PDLIM5: variants seen among roughly 807,000 people sequenced by gnomAD.
The protein encoded by PDLIM5 is PDZ and LIM domain protein 5.
A neutral mutation model predicts 64.2 loss-of-function variants in PDLIM5; 34 were observed. The ratio of observed to expected loss-of-function variants is 0.53; its 90% confidence interval spans 0.40 to 0.71. The LOEUF is 0.71. Ranked by LOEUF, PDLIM5 falls within the 30% of genes least tolerant of loss-of-function variation. PDLIM5 has a pLI of 0.00. For synonymous variants in PDLIM5, 253 were observed against 269.1 expected (o/e 0.94, Z 0.59); for missense variants, 683 against 733.6 (o/e 0.93, Z 0.80).
At chr4:94,511,813 T>C (rs542839856) in intron 2 of PDLIM5, among the ~76,000 whole-genome samples, 2 of 152,306 alleles carry the variant, frequency 1.3e-5, no homozygotes, top group South Asian at 4.1e-4. Context: ...ATCTCATTCC[T>C]TTTTATGGCT....
At chr4:94,564,455 A>G (rs1295777097) in intron 3 of PDLIM5, among the ~76,000 whole-genome samples, 1 of 152,076 alleles carries the variant, frequency 6.6e-6, no homozygotes, top group Non-Finnish European at 1.5e-5. Flanking sequence ...TTGGACTGCC[A>G]GGAATTCCGT....
intron 8 of PDLIM5, among the ~76,000 whole-genome samples, chr4:94,618,936 C>T (rs1453938324): frequency 6.6e-6 from 1 of 152,204 alleles, no homozygotes; most frequent in Admixed American, 6.5e-5. Flanking sequence ...CATCTCTTCT[C>T]ACTCTTTATG....
At position 94,504,387 on chromosome 4, in the gene PDLIM5, A is replaced by C. The variant is rs1421751943; in HGVS notation, c.97-19337A>C. ...ATTGCAACCTCCGCTCCCGGGTTCAAGCAATTCTCCTGCCTCAGCCTCCCG... is the reference window on the plus strand; with the variant it reads ...ATTGCAACCTCCGCTCCCGGGTTCACGCAATTCTCCTGCCTCAGCCTCCCG... On this transcript the variant is annotated intron_variant, in intron 2 of 12. Transcript: ENST00000317968. Among the ~76,000 whole-genome samples, 3 of 152,160 alleles carry C rather than the reference A, an allele frequency of 2.0e-5. No homozygotes were observed. In the East Asian group the frequency reaches 5.8e-4, roughly 30 times the overall value.
chr4:94,539,719 CTTAAA>C (rs1322880145), intron 3 of PDLIM5, among the ~76,000 whole-genome samples: 1 of 152,144 alleles, frequency 6.6e-6, no homozygotes, highest in African/African-American at 2.4e-5. Flanking sequence ...TGAATTAAAA[CTTAAA>C]TATAGAATTT....
At chr4:94,543,966 G>C (rs1277208171) in intron 3 of PDLIM5, among the ~76,000 whole-genome samples, 2 of 152,072 alleles carry the variant, frequency 1.3e-5, no homozygotes, top group Non-Finnish European at 2.9e-5. Flanking sequence ...CGGATCATAT[G>C]GTAGTTCTAT....
At chr4:94,562,103 T>A (rs920863720) in intron 3 of PDLIM5, among the ~76,000 whole-genome samples, 1 of 152,182 alleles carries the variant, frequency 6.6e-6, no homozygotes, top group African/African-American at 2.4e-5. Flanking sequence ...ATTTTATGAA[T>A]GGGCTTTTTC....
chr4:94,583,057 C>G (rs1735864751), intron 5 of PDLIM5: 1 of 181,406 alleles, frequency 5.5e-6, no homozygotes, highest in Non-Finnish European at 1.1e-5. Context: ...ATTTTAATGT[C>G]TGTATTTTGA....
At chr4:94,462,681 T>C in intron 2 of PDLIM5, among the ~76,000 whole-genome samples, 1 of 152,192 alleles carries the variant, frequency 6.6e-6, no homozygotes, top group East Asian at 1.9e-4. Context: ...CATAAATTCC[T>C]AGAAATGGAA....
rs558764133 is a variant in PDLIM5, at chr4:94,646,224, T to A, written c.1283+5774T>A. Among the ~76,000 whole-genome samples the A allele has an allele frequency of 2.0e-4, 30 of 152,324 alleles. No homozygotes were observed. In the East Asian group the frequency reaches 5.4e-3, roughly 27 times the overall value. ...AATCCCAAATTCCAGTACCTCAGAA[T>A]GGGACTATATTTGAAGAGGGCATTT... On this transcript the variant is annotated intron_variant, in intron 9 of 12. Transcript: ENST00000317968.
intron 5 of PDLIM5, 71 bp downstream of exon 5, chr4:94,576,105 A>G (rs978535529): frequency 7.4e-7 from 1 of 1,353,590 alleles, no homozygotes; most frequent in African/African-American, 1.4e-5. Flanking sequence ...AATACTCTAC[A>G]TTCCTCTCCC....
chr4:94,496,787 C>T (rs947218812), intron 2 of PDLIM5, among the ~76,000 whole-genome samples: 2 of 152,206 alleles, frequency 1.3e-5, no homozygotes, highest in African/African-American at 4.8e-5. Flanking sequence ...GCCACCCCGC[C>T]CAGCCCAGAT....
At chr4:94,529,931 A>AT (rs1400646229) in intron 3 of PDLIM5, among the ~76,000 whole-genome samples, 1 of 152,186 alleles carries the variant, frequency 6.6e-6, no homozygotes, top group East Asian at 1.9e-4. Context: ...AAAGTGGATC[A>AT]TTTTTTAAAA....
At chr4:94,530,534 TATATATATATATAG>T (rs1560681460) in intron 3 of PDLIM5, among the ~76,000 whole-genome samples, 1 of 120,246 alleles carries the variant, frequency 8.3e-6, no homozygotes, top group East Asian at 2.7e-4. Context: ...TATATATATA[TATATATATATATAG>T]TTTTTCTACT....
intron 2 of PDLIM5, among the ~76,000 whole-genome samples, chr4:94,481,549 G>A (rs1188081271): frequency 6.7e-6 from 1 of 150,202 alleles, no homozygotes; most frequent in Non-Finnish European, 1.5e-5. Context: ...CGAAAGTGCT[G>A]GGATTATAGG....
At chr4:94,620,423 G>C (rs1021264360) in intron 8 of PDLIM5, among the ~76,000 whole-genome samples, 11 of 152,214 alleles carry the variant, frequency 7.2e-5, no homozygotes, top group Non-Finnish European at 1.6e-4. Context: ...TGTAGTCCCA[G>C]ATACTTGGGA....
chr4:94,528,190 C>G (rs1311307971), intron 3 of PDLIM5, among the ~76,000 whole-genome samples: 4 of 152,160 alleles, frequency 2.6e-5, no homozygotes, highest in Non-Finnish European at 4.4e-5. Context: ...AAATGCCCAC[C>G]ACCTGTTCAC....
intron 2 of PDLIM5, among the ~76,000 whole-genome samples, chr4:94,520,787 A>T (rs904930875): frequency 2.6e-5 from 4 of 152,220 alleles, no homozygotes; most frequent in African/African-American, 9.6e-5. Flanking sequence ...ATGGTTAGAG[A>T]TTCCAAAAAG....
At chr4:94,614,917 A>G (rs1370389548) in intron 7 of PDLIM5, among the ~76,000 whole-genome samples, 3 of 152,210 alleles carry the variant, frequency 2.0e-5, no homozygotes, top group African/African-American at 4.8e-5. Flanking sequence ...TCCATAGTAC[A>G]TTTAGAAGCA....
intron 3 of PDLIM5, among the ~76,000 whole-genome samples, chr4:94,559,457 G>T (rs1335105646): frequency 1.3e-5 from 2 of 152,186 alleles, no homozygotes; most frequent in Non-Finnish European, 2.9e-5. Context: ...GAAGAGCAGT[G>T]AATCATGCTA....
Sources: gnomAD v4.1 joint callset for allele counts (sites outside exome capture counted in the v4.1 genomes callset) on GRCh38, gnomAD v4.1.1 for gene constraint, MANE v1.5 for transcripts, NCBI Gene and HGNC (gene_info 2026-07-23, HGNC 2026-07-21) for gene names.